Variants in RXRA observed in about 807,000 individuals in gnomAD.
RXRA encodes retinoid X receptor alpha, also known as retinoic acid receptor RXR-alpha.
A neutral mutation model predicts 44.5 loss-of-function variants in RXRA; 5 were observed. The ratio of observed to expected loss-of-function variants is 0.11; its 90% CI spans 0.06 to 0.24. The LOEUF is 0.24. RXRA is among the 10% of genes least tolerant of loss of function. The pLI is 1.00. For missense variants in RXRA, 412 were observed against 646.5 expected (o/e 0.64, Z 3.93); for synonymous variants, 291 against 271.4 (o/e 1.07, Z -0.71).
chr9:134,335,769 C>CG (rs1240030173), intron 1 of RXRA, among the ~76,000 whole-genome samples: 1 of 152,148 alleles, frequency 6.6e-6, no homozygotes, highest in African/African-American at 2.4e-5. Flanking sequence ...TACCCCACCT[C>CG]GGGGCCCTGG....
At chr9:134,428,625 G>A (rs930285989) in intron 6 of RXRA, among the ~76,000 whole-genome samples, 2 of 152,162 alleles carry the variant, frequency 1.3e-5, no homozygotes, top group African/African-American at 2.4e-5. Flanking sequence ...TCCCCCCTGG[G>A]AATCCCCCCG....
chr9:134,411,354 C>T (rs191746375), intron 4 of RXRA, among the ~76,000 whole-genome samples: 62 of 152,312 alleles, frequency 4.1e-4, no homozygotes, highest in Admixed American at 7.2e-4. Context: ...CTGGTCAGAC[C>T]GCTCCCCTGG....
In RXRA at chr9:134,343,724, C is replaced by T. The variant is rs1830115478; in HGVS notation, c.28+17065C>T. Among the ~76,000 whole-genome samples, 1 of 152,106 alleles carries T rather than the reference C, an allele frequency of 6.6e-6. No individual in the cohort carries two copies. Among genetic ancestry groups the T allele is most frequent in the Admixed American group, 6.5e-5 (1 of 15,282 alleles). On this transcript the variant is annotated intron_variant, in intron 1 of 9. Transcript: ENST00000481739. This position sits in a 1 kb window ranked among gnomAD's most constrained non-coding sequence, Gnocchi z 4.1. ...TGCCACGGGCCTGGGGGCCTCGGGA[C>T]CAACCCTCCATCCGCCCGTCCCCAG...
intron 4 of RXRA, among the ~76,000 whole-genome samples, chr9:134,412,511 C>T (rs1222742195): frequency 1.3e-5 from 2 of 152,200 alleles, no homozygotes; most frequent in Non-Finnish European, 2.9e-5. Flanking sequence ...TGGGTTCCCA[C>T]CCCTATGCGG....
intron 1 of RXRA, among the ~76,000 whole-genome samples, chr9:134,331,094 A>C (rs1834997480): frequency 6.6e-6 from 1 of 152,108 alleles, no homozygotes; most frequent in African/African-American, 2.4e-5. Flanking sequence ...CTTTCTGTGG[A>C]TATAGGCCTG....
chr9:134,422,922 G>A (rs911361413), intron 6 of RXRA: 9 of 985,346 alleles, frequency 9.1e-6, no homozygotes, highest in African/African-American at 7.0e-5. Flanking sequence ...CTCCAAGGCC[G>A]CAGCTCTCTT....
In RXRA at chr9:134,426,341, G is replaced by A. The variant is rs1214115385; in HGVS notation, c.911-2767G>A. On this transcript the variant is annotated intron_variant, in intron 6 of 9. Transcript: ENST00000481739. The surrounding 1 kb of genome is among the most constrained non-coding windows in gnomAD (Gnocchi z 4.6). ...CTTAGGAAGGTGAAGACACCCCAAA[G>A]GTTACTGTAAAGTGGGTTCCTCTCC... 1.0e-6 allele frequency: 1 copy of A among 985,318 alleles called. No homozygotes were observed. The highest frequency in any genetic ancestry group is 1.2e-6 in the Non-Finnish European group (1 of 829,922). The allele number at this position is 985,318 out of a possible 1,614,324, so 61.0% of individuals were successfully genotyped here. A position where few individuals can be genotyped will look rare whatever the true frequency, so the allele number is the denominator to read the frequency against.
At position 134,417,053 on chromosome 9, in the gene RXRA, G is replaced by A. The variant is rs1228237781; in HGVS notation, c.611-105G>A. The A allele has an allele frequency of 1.5e-5, 18 of 1,227,952 alleles. No homozygotes were observed. In the East Asian group the frequency reaches 4.1e-4, roughly 28 times the overall value. 76.1% of individuals were successfully genotyped at this position (1,227,952 alleles called of 1,614,324 possible). On this transcript the variant is annotated intron_variant, in intron 4 of 9. Coordinates refer to ENST00000481739, the MANE Select transcript of RXRA (RefSeq NM_002957.6). This position sits in a 1 kb window ranked among gnomAD's most constrained non-coding sequence, Gnocchi z 6.1. ...CAGTGCTGGTGGGGATGCTGGTGTT[G>A]TGGGTGAGTTGGCTGGGAGCTGGCA...
At chr9:134,385,970 T>G (rs1830714128) in intron 1 of RXRA, among the ~76,000 whole-genome samples, 1 of 152,218 alleles carries the variant, frequency 6.6e-6, no homozygotes, top group Non-Finnish European at 1.5e-5. Flanking sequence ...GACGGTCGTG[T>G]CTCGGATTGA....
chr9:134,364,936 T>C (rs1380678415), intron 1 of RXRA, among the ~76,000 whole-genome samples: 1 of 152,192 alleles, frequency 6.6e-6, no homozygotes, highest in Non-Finnish European at 1.5e-5. Context: ...GTTACATAGA[T>C]GAGGCCTCAT....
At position 134,436,968 on chromosome 9, in the gene RXRA, G is replaced by C. The variant is rs1468767917; in HGVS notation, c.*354G>C. 3.9e-6 allele frequency: 1 copy of C among 254,192 alleles called. No homozygotes were observed. Among genetic ancestry groups the C allele is most frequent in the Non-Finnish European group, 7.6e-6 (1 of 131,228 alleles). 15.7% of individuals were successfully genotyped at this position (254,192 alleles called of 1,614,324 possible). On this transcript the variant is annotated 3_prime_UTR_variant, in exon 10 of 10. Transcript: ENST00000481739. Reference sequence around the variant, plus strand: ...CCAGCCCTGGAGCTGCAGGAGTTGGGAACGGGGCTTTTGTTTCCGTTGCTG... The same window carrying C: ...CCAGCCCTGGAGCTGCAGGAGTTGGCAACGGGGCTTTTGTTTCCGTTGCTG...
intron 6 of RXRA, among the ~76,000 whole-genome samples, chr9:134,427,455 G>T (rs573957925): frequency 1.3e-5 from 2 of 152,222 alleles, no homozygotes; most frequent in African/African-American, 4.8e-5. Flanking sequence ...CAGACCGCCC[G>T]TGGTGCCGTC....
intron 1 of RXRA, among the ~76,000 whole-genome samples, chr9:134,352,100 G>A (rs371900380): frequency 3.4e-4 from 52 of 152,292 alleles, no homozygotes; most frequent in Admixed American, 1.5e-3. Flanking sequence ...AGAGGCTGTC[G>A]AAGGCAGAGT....
At position 134,422,671 on chromosome 9, in the gene RXRA, A is replaced by G. The variant is rs1438009106; in HGVS notation, c.910+866A>G. On this transcript the variant is annotated intron_variant, in intron 6 of 9. Coordinates refer to ENST00000481739, the MANE Select transcript of RXRA (RefSeq NM_002957.6). The stretch of plus-strand genomic sequence containing the variant: ...ACTCCCCACTCCCCGGACACTCCCC[A>G]CTCCCGGGACACTCCCCCGTCCTGG... The G allele has an allele frequency of 4.2e-6, 4 of 954,170 alleles. No individual in the cohort carries two copies. In the African/African-American group the frequency reaches 8.4e-5, roughly 20 times the overall value. The allele number at this position is 954,170 out of a possible 1,614,324, so 59.1% of individuals were successfully genotyped here.
At chr9:134,329,424 G>A (rs1341985310) in intron 1 of RXRA, among the ~76,000 whole-genome samples, 1 of 152,258 alleles carries the variant, frequency 6.6e-6, no homozygotes, top group African/African-American at 2.4e-5. Context: ...TGACTGGGGA[G>A]GTGTCAGGGA....
chr9:134,364,242 AGCCGT>A (rs1830387484), intron 1 of RXRA, among the ~76,000 whole-genome samples: 1 of 152,184 alleles, frequency 6.6e-6, no homozygotes, highest in Non-Finnish European at 1.5e-5. Context: ...GAGGTGCAAA[AGCCGT>A]GCGGTGGGAG....
At chr9:134,411,508 A>C (rs1299245807) in intron 4 of RXRA, among the ~76,000 whole-genome samples, 1 of 152,116 alleles carries the variant, frequency 6.6e-6, no homozygotes, top group African/African-American at 2.4e-5. Flanking sequence ...AGCCGTGGGG[A>C]GGTCTAAGGG....
chr9:134,352,390 G>A (rs1035208161), intron 1 of RXRA, among the ~76,000 whole-genome samples: 4 of 152,068 alleles, frequency 2.6e-5, no homozygotes, highest in African/African-American at 4.8e-5. Context: ...TGAGGAAGCC[G>A]GAGGGGCCAC....
At chr9:134,398,083 G>A (rs1262807784) in intron 1 of RXRA, among the ~76,000 whole-genome samples, 2 of 152,224 alleles carry the variant, frequency 1.3e-5, no homozygotes, top group African/African-American at 2.4e-5. Context: ...AGGTTCAAGC[G>A]ATTCTCCTGT....
Sources: gnomAD v4.1 joint callset for allele counts (sites outside exome capture counted in the v4.1 genomes callset) on GRCh38, gnomAD v4.1.1 for gene constraint, Gnocchi (gnomAD v3.1) non-coding constraint, MANE v1.5 for transcripts, NCBI Gene and HGNC (gene_info 2026-07-23, HGNC 2026-07-21) for gene names.